Variants in KCNG2 observed in about 807,000 individuals in gnomAD.
KCNG2 encodes the protein voltage-gated potassium channel regulatory subunit KCNG2.
In KCNG2, 7 loss-of-function variants were observed where a neutral mutation model predicts 12.3. The observed-to-expected ratio is 0.57, with a 90% CI of 0.32 to 1.07. The LOEUF (loss-of-function observed/expected upper bound fraction) is 1.07. Ranked by LOEUF, KCNG2 falls within the 50% of genes least tolerant of loss-of-function variation. KCNG2 has a pLI of 0.04. For missense variants in KCNG2, 703 were observed against 726.0 expected, an observed-to-expected ratio of 0.97 and a Z score of 0.36; for synonymous variants, 414 against 351.4, an observed-to-expected ratio of 1.18 and a Z score of -1.99.
chr18:79,798,408 G>A (rs2087380520), intron 1 of KCNG2, among the ~76,000 whole-genome samples: 2 of 152,120 alleles, frequency 1.3e-5, no homozygotes, highest in South Asian at 4.1e-4. Flanking sequence ...CGAAGGCGAG[G>A]AAGGGGCGCG....
At chr18:79,833,643 T>A (rs1978308231) in intron 1 of KCNG2, among the ~76,000 whole-genome samples, 1 of 152,258 alleles carries the variant, frequency 6.6e-6, no homozygotes, top group Non-Finnish European at 1.5e-5. Context: ...AACAAACCTT[T>A]GCTGCAACGT....
chr18:79,864,692 C>T (rs956270477), intron 3 of KCNG2, among the ~76,000 whole-genome samples: 3 of 152,330 alleles, frequency 2.0e-5, no homozygotes, highest in Admixed American at 2.0e-4. Context: ...CAAGGAGACC[C>T]AACCGCATTG....
At position 79,864,128 on chromosome 18, in the gene KCNG2, G is replaced by A. The variant is rs779080911; in HGVS notation, c.461G>A (p.Gly154Glu). The change falls in exon 3 of 4, where the codon GGG (glycine) becomes GAG (glutamate). Residue 154 changes from glycine (G) to glutamate (E), a missense_variant. Coordinates refer to ENST00000316249, the MANE Select transcript of KCNG2 (RefSeq NM_012283.2). ...GSPARALGPR[G>E]RLQRGRRRLR... Reference sequence around the variant, plus strand: ...CCGGCGCGCGCCCTGGGACCTCGGGGGCGGCTGCAGCGCGGCCGGCGGCGC... The same window carrying A: ...CCGGCGCGCGCCCTGGGACCTCGGGAGCGGCTGCAGCGCGGCCGGCGGCGC... 3 of 1,289,414 alleles carry A rather than the reference G, an allele frequency of 2.3e-6. No individual in the cohort carries two copies. In the South Asian group the frequency reaches 5.4e-5, roughly 23 times the overall value. The allele number at this position is 1,289,414 out of a possible 1,614,324, so 79.9% of individuals were successfully genotyped here. A position where few individuals can be genotyped will look rare whatever the true frequency, so the allele number is the denominator to read the frequency against.
intron 1 of KCNG2, among the ~76,000 whole-genome samples, chr18:79,828,561 G>A (rs1036813292): frequency 4.7e-5 from 7 of 150,000 alleles, no homozygotes; most frequent in Non-Finnish European, 7.5e-5. Flanking sequence ...GTGTCTATCT[G>A]TGTGCATGTC....
chr18:79,862,342 C>A (rs768978851), intron 2 of KCNG2, among the ~76,000 whole-genome samples: 1 of 152,218 alleles, frequency 6.6e-6, no homozygotes, highest in African/African-American at 2.4e-5. Context: ...GATGTGGCCA[C>A]TGATGTCTGT....
intron 1 of KCNG2, among the ~76,000 whole-genome samples, chr18:79,807,227 C>T (rs756530355): frequency 6.6e-6 from 1 of 152,146 alleles, no homozygotes; most frequent in Non-Finnish European, 1.5e-5. Context: ...ATACTGGGAG[C>T]TCGTCGCGTA....
intron 1 of KCNG2, among the ~76,000 whole-genome samples, chr18:79,819,773 G>A (rs7236339): frequency 0.19 from 29,271 of 152,212 alleles, 2,872 homozygotes; most frequent in Non-Finnish European, 0.22. Context: ...TCCAACCGCC[G>A]TGCTGTGCAG....
At chr18:79,874,030 C>T (rs544930144) in intron 3 of KCNG2, among the ~76,000 whole-genome samples, 38 of 152,336 alleles carry the variant, frequency 2.5e-4, no homozygotes, top group African/African-American at 8.7e-4. Context: ...ACAACTGATC[C>T]GGTTACAGCC....
At chr18:79,898,393 G>A (rs572292331) in intron 3 of KCNG2, among the ~76,000 whole-genome samples, 1 of 152,228 alleles carries the variant, frequency 6.6e-6, no homozygotes, top group Non-Finnish European at 1.5e-5. Flanking sequence ...CCTTCTCAGT[G>A]TGCCACACCC....
intron 3 of KCNG2, among the ~76,000 whole-genome samples, chr18:79,887,516 A>C (rs986060659): frequency 4.6e-5 from 7 of 152,080 alleles, no homozygotes; most frequent in Non-Finnish European, 1.5e-5. Context: ...CAGACGTGGG[A>C]GGGAGGACTC....
At position 79,841,719 on chromosome 18, in the gene KCNG2, A is replaced by G. The variant is rs564842945; in HGVS notation, c.-114-14660A>G. On this transcript the variant is annotated intron_variant, in intron 1 of 3. Coordinates refer to ENST00000316249, the MANE Select transcript of KCNG2 (RefSeq NM_012283.2). ...GAGGAGTGATGTCATCAAGATAGCA[A>G]AATAGGAGTTTCCAGTTTTCATACT... 7.9e-5 allele frequency among the ~76,000 whole-genome samples: 12 copies of G among 152,358 alleles called. No individual in the cohort carries two copies. In the East Asian group the frequency reaches 2.3e-3, roughly 29 times the overall value.
At position 79,872,287 on chromosome 18, in the gene KCNG2, T is replaced by TTTTTTCTG. The variant is rs1555695117; in HGVS notation, c.624+8001_624+8002insCTGTTTTT. 4.4e-5 allele frequency among the ~76,000 whole-genome samples: 5 copies of TTTTTTCTG among 113,574 alleles called. No individual in the cohort carries two copies. In the South Asian group the frequency reaches 1.8e-3, roughly 41 times the overall value. 74.5% of individuals were successfully genotyped at this position (113,574 alleles called of 152,430 possible). A position where few individuals can be genotyped will look rare whatever the true frequency, so the allele number is the denominator to read the frequency against. ...AAAAGCTTCAAAGCTTCAGTTTTTT[T>TTTTTTCTG]TTTTTTTTTTTTTTTTGAGATGGAG... On this transcript the variant is annotated intron_variant, in intron 3 of 3. Coordinates refer to ENST00000316249, the MANE Select transcript of KCNG2 (RefSeq NM_012283.2).
At chr18:79,812,034 G>C (rs997309722) in intron 1 of KCNG2, among the ~76,000 whole-genome samples, 1 of 152,048 alleles carries the variant, frequency 6.6e-6, no homozygotes, top group South Asian at 2.1e-4. Flanking sequence ...GAGAAAGAGT[G>C]GGGCTGAAAA....
Position 79,803,488 on chromosome 18 carries a change from A to T in KCNG2, c.-115+5474A>T, listed in dbSNP as rs1443900913. Among the ~76,000 whole-genome samples the T allele has an allele frequency of 6.6e-6, 1 of 152,266 alleles. No homozygotes were observed. The highest frequency in any genetic ancestry group is 1.5e-5 in the Non-Finnish European group (1 of 68,052). ...TGGCTTCTTTAATACTTGCCAAATT[A>T]GAAACGGAAACATTCTAGGGTGAAG... is the stretch of plus-strand genomic sequence containing the variant. On this transcript the variant is annotated intron_variant, in intron 1 of 3. Transcript: ENST00000316249. This position sits in a 1 kb window ranked among gnomAD's most constrained non-coding sequence, Gnocchi z 4.5.
chr18:79,874,825 G>T (rs1026397512), intron 3 of KCNG2, among the ~76,000 whole-genome samples: 1 of 152,222 alleles, frequency 6.6e-6, no homozygotes, highest in Non-Finnish European at 1.5e-5. Context: ...CCACGGTCAC[G>T]TGTGCTCCTG....
intron 1 of KCNG2, among the ~76,000 whole-genome samples, chr18:79,828,553 GTCTA>G (rs769737959): frequency 1.7e-3 from 265 of 152,080 alleles, no homozygotes; most frequent in African/African-American, 3.1e-3. Context: ...GCATCTGTGT[GTCTA>G]TCTGTGTGCA....
At chr18:79,890,958 C>T (rs1222313784) in intron 3 of KCNG2, among the ~76,000 whole-genome samples, 1 of 152,100 alleles carries the variant, frequency 6.6e-6, no homozygotes, top group African/African-American at 2.4e-5. Context: ...TTTTCTTCTG[C>T]TCAAACGAGC....
At chr18:79,819,742 G>A (rs891531689) in intron 1 of KCNG2, among the ~76,000 whole-genome samples, 11 of 152,214 alleles carry the variant, frequency 7.2e-5, no homozygotes, top group African/African-American at 2.7e-4. Context: ...TATTTCAAGT[G>A]GACAGTTCAG....
chr18:79,826,379 C>T (rs1207316386), intron 1 of KCNG2, among the ~76,000 whole-genome samples: 5 of 152,384 alleles, frequency 3.3e-5, no homozygotes, highest in African/African-American at 1.2e-4. Flanking sequence ...CCTTCCCAGG[C>T]CTGCCCAGCT....
Sources: allele counts gnomAD v4.1 joint callset (sites outside exome capture counted in the v4.1 genomes callset), GRCh38; gene constraint gnomAD v4.1.1; non-coding constraint Gnocchi (gnomAD v3.1); transcripts MANE v1.5; gene names NCBI Gene and HGNC (gene_info 2026-07-23, HGNC 2026-07-21).